COL11A1: variants seen among roughly 807,000 people sequenced by gnomAD.
The protein encoded by COL11A1 is collagen alpha-1(XI) chain.
A neutral mutation model predicts 265.2 loss-of-function variants in COL11A1; 74 were observed. That is an observed-to-expected ratio of 0.28 (90% CI 0.23 to 0.34). COL11A1 has a LOEUF of 0.34. Among genes scored for constraint, COL11A1 ranks in the 10% least tolerant of loss-of-function variants. The probability of loss-of-function intolerance (pLI) is 1.00; values close to 1 mark genes in which losing one functional copy is unlikely to be tolerated. For synonymous variants in COL11A1, 816 were observed against 727.6 expected, an observed-to-expected ratio of 1.12 and a Z score of -1.96; for missense variants, 2,165 against 2,263.6, an observed-to-expected ratio of 0.96 and a Z score of 0.88.
intron 26 of COL11A1, 65 bp downstream of exon 26, chr1:102,997,015 A>C: frequency 7.3e-7 from 1 of 1,378,472 alleles, no homozygotes. Flanking sequence ...TGAGATGACC[A>C]AATTAAGGCA....
chr1:102,894,451 C>T (rs1302318251), intron 57 of COL11A1, among the ~76,000 whole-genome samples: 1 of 152,058 alleles, frequency 6.6e-6, no homozygotes, highest in Non-Finnish European at 1.5e-5. Flanking sequence ...GGAGGATCAC[C>T]TAAGCCTAGA....
At chr1:103,092,312 C>G (rs184972745) in intron 1 of COL11A1, among the ~76,000 whole-genome samples, 98 of 152,062 alleles carry the variant, frequency 6.4e-4, no homozygotes, top group Admixed American at 1.2e-3. Context: ...TCCAGAAGAA[C>G]AAAGTAGGCT....
intron 4 of COL11A1, among the ~76,000 whole-genome samples, chr1:103,065,058 G>A (rs1670994748): frequency 1.3e-5 from 2 of 152,112 alleles, no homozygotes; most frequent in African/African-American, 2.4e-5. Context: ...TGATAATGAT[G>A]AGTCAATGTA....
At chr1:102,962,081 T>G (rs1660963891) in intron 40 of COL11A1, 95 bp downstream of exon 40, 18 of 1,132,148 alleles carry the variant, frequency 1.6e-5, no homozygotes, top group Non-Finnish European at 2.3e-5. Context: ...TGTTTATATA[T>G]CTTCCCTTAA....
At position 103,004,445 on chromosome 1, in the gene COL11A1, G is replaced by T. The variant is rs778758741; in HGVS notation, c.1943C>A (p.Ala648Asp). 1.2e-6 allele frequency: 2 copies of T among 1,609,634 alleles called. No homozygotes were observed. The highest frequency in any genetic ancestry group is 4.5e-5 in the East Asian group (2 of 44,770). Residue 648 changes from alanine (A) to aspartate (D), a missense_variant and splice_region_variant, in exon 20 of 67, where the codon GCT (alanine) becomes GAT (aspartate). Coordinates refer to ENST00000370096, the MANE Select transcript of COL11A1 (RefSeq NM_001854.4). ...EIGPRGLPGE[A>D]GPRGLLGPRG... is the part of the protein sequence containing the mutation. ...AAAAATAAAAAGTAAGTTGCTTACA[G>T]CTTCACCTGGAAGACCTCTTGGTCC...
chr1:103,076,162 C>T (rs983787362), intron 3 of COL11A1, among the ~76,000 whole-genome samples: 7 of 152,072 alleles, frequency 4.6e-5, no homozygotes, highest in Admixed American at 4.6e-4. Context: ...ACCAAATTAA[C>T]ATTTAGCCTT....
chr1:102,879,998 AAC>A, intron 65 of COL11A1, 82 bp from the exon 66 acceptor site: 1 of 920,896 alleles, frequency 1.1e-6, no homozygotes, highest in Non-Finnish European at 1.8e-6. Context: ...GCAGACAGTG[AAC>A]TGTGATGCCA....
intron 48 of COL11A1, among the ~76,000 whole-genome samples, chr1:102,920,699 A>G (rs1655887279): frequency 6.6e-6 from 1 of 152,184 alleles, no homozygotes; most frequent in Non-Finnish European, 1.5e-5. Flanking sequence ...AATCAAAATT[A>G]TGACACTGGT....
In COL11A1 at chr1:103,016,746, T is replaced by C. The variant is rs537838713; in HGVS notation, c.1414-1004A>G. On this transcript the variant is annotated intron_variant, in intron 11 of 66. Transcript: ENST00000370096. Reference sequence around the variant, plus strand: ...AAATTATATTTTATTTAGAATATTATTTCAATAGATTCTGTACAAGTTTCA... The same window carrying C: ...AAATTATATTTTATTTAGAATATTACTTCAATAGATTCTGTACAAGTTTCA... Among the ~76,000 whole-genome samples the C allele has an allele frequency of 1.7e-4, 26 of 152,136 alleles. 1 individual carries two copies. Among genetic ancestry groups the C allele is most frequent in the Non-Finnish European group, 7.4e-5 (5 of 67,898 alleles).
At position 102,877,169 on chromosome 1, in the gene COL11A1, T is replaced by C. The variant is rs1374360938; in HGVS notation, c.*850A>G. On this transcript the variant is annotated 3_prime_UTR_variant, in exon 67 of 67. Transcript: ENST00000370096. ...GGAGGCATTGATTTGTTAATATACTTTCTTACACACATTTCCCTGTCCAAA... is the reference window on the plus strand; with the variant it reads ...GGAGGCATTGATTTGTTAATATACTCTCTTACACACATTTCCCTGTCCAAA... The C allele has an allele frequency of 6.6e-6, 1 of 152,622 alleles. No homozygotes were observed. The highest frequency in any genetic ancestry group is 1.5e-5 in the Non-Finnish European group (1 of 68,024). 9.5% of individuals were successfully genotyped at this position (152,622 alleles called of 1,614,324 possible).
At chr1:103,007,336 C>T (rs943014712) in intron 15 of COL11A1, among the ~76,000 whole-genome samples, 9 of 151,972 alleles carry the variant, frequency 5.9e-5, no homozygotes, top group Non-Finnish European at 1.0e-4. Flanking sequence ...TCGTGGGGAT[C>T]GATATACATA....
At position 102,914,719 on chromosome 1, in the gene COL11A1, G is replaced by T; in HGVS notation, c.3909C>A (p.Gly1303=). ...ACTCACTTACCGGGTTACCCTTAGG[G>T]CCATCATCACCTGGTGGCCCCTTGG... is the stretch of plus-strand genomic sequence containing the variant. The part of the protein sequence containing the change: ...PGAKGPPGDD[G]PKGNPGPVGF... The change falls in exon 51 of 67, where the codon GGC becomes GGA. Residue 1303 remains glycine (G), a synonymous_variant. Coordinates refer to ENST00000370096, the MANE Select transcript of COL11A1 (RefSeq NM_001854.4). 2 of 1,612,776 alleles carry T rather than the reference G, an allele frequency of 1.2e-6. No homozygotes were observed. Among genetic ancestry groups the T allele is most frequent in the Non-Finnish European group, 1.7e-6 (2 of 1,179,528 alleles).
In COL11A1 at chr1:103,022,894, T is replaced by G; in HGVS notation, c.1093A>C (p.Ile365Leu). ...AGAAGATCAGAATCCCTGCCGTCTATTTCTTTGTTTTCATATAGTGTATCC... is the reference window on the plus strand; with the variant it reads ...AGAAGATCAGAATCCCTGCCGTCTAGTTCTTTGTTTTCATATAGTGTATCC... Reference protein sequence around the residue: ...SEDTLYENKEIDGRDSDLLVD... With the variant: ...SEDTLYENKELDGRDSDLLVD... Residue 365 changes from isoleucine (I) to leucine (L), a missense_variant, in exon 8 of 67, where the codon ATA becomes CTA. Ile to Leu is a conservative substitution (Grantham distance 5). Transcript: ENST00000370096. 1 of 1,613,918 alleles carries G rather than the reference T, an allele frequency of 6.2e-7. No individual in the cohort carries two copies. The highest frequency in any genetic ancestry group is 2.2e-5 in the East Asian group (1 of 44,832).
intron 31 of COL11A1, among the ~76,000 whole-genome samples, chr1:102,983,760 G>A (rs976007308): frequency 2.0e-5 from 3 of 151,970 alleles, no homozygotes; most frequent in Non-Finnish European, 4.4e-5. Context: ...TAGTGTGAAA[G>A]GTGTATTAAT....
chr1:103,017,967 C>G (rs1447784899), intron 10 of COL11A1, 85 bp from the exon 11 acceptor site: 2 of 1,077,336 alleles, frequency 1.9e-6, no homozygotes, highest in Non-Finnish European at 2.9e-6. Context: ...TCGAAGAGTT[C>G]GTTTATATTT....
At chr1:102,883,178 C>A (rs1221606230) in intron 64 of COL11A1, 21 bp downstream of exon 64, 1 of 1,518,246 alleles carries the variant, frequency 6.6e-7, no homozygotes, top group South Asian at 1.1e-5. Flanking sequence ...ACATTCACCA[C>A]CAAAACAGAT....
intron 1 of COL11A1, among the ~76,000 whole-genome samples, chr1:103,094,362 G>A (rs1372098259): frequency 6.6e-6 from 1 of 152,098 alleles, no homozygotes; most frequent in Non-Finnish European, 1.5e-5. Flanking sequence ...GACTGCTTTT[G>A]CCTTCTTTTA....
At chr1:103,088,475 T>C (rs1395066610) in intron 1 of COL11A1, among the ~76,000 whole-genome samples, 7 of 152,232 alleles carry the variant, frequency 4.6e-5, no homozygotes, top group Non-Finnish European at 1.5e-5. Flanking sequence ...GTACATGATG[T>C]AAGAATAATT....
intron 4 of COL11A1, among the ~76,000 whole-genome samples, chr1:103,041,449 A>T (rs1308305621): frequency 6.6e-6 from 1 of 151,656 alleles, no homozygotes; most frequent in Non-Finnish European, 1.5e-5. Context: ...ATAATTGGTA[A>T]TTGCATTTCT....
Sources: gnomAD v4.1 joint callset for allele counts (sites outside exome capture counted in the v4.1 genomes callset) on GRCh38, gnomAD v4.1.1 for gene constraint, MANE v1.5 for transcripts, NCBI Gene and HGNC (gene_info 2026-07-23, HGNC 2026-07-21) for gene names.